The following A2M variants were observed in gnomAD, a reference collection of about 807,000 sequenced individuals.
A2M encodes alpha-2-macroglobulin, also known as C3 and PZP-like alpha-2-macroglobulin domain-containing protein 5.
Under a neutral mutation model 183.9 loss-of-function variants are expected in A2M, and 128 were observed. The observed-to-expected ratio is 0.70, with a 90% CI of 0.60 to 0.81. A2M has a LOEUF of 0.81. A2M is among the 30% of genes least tolerant of loss of function. The pLI is 0.00. For synonymous variants in A2M, 592 were observed against 670.8 expected (o/e 0.88, Z 1.81); for missense variants, 1,495 against 1,787.6 (o/e 0.84, Z 2.95).
chr12:9,067,863 A>T, intron 35 of A2M, 24 bp from the exon 36 acceptor site: 1 of 1,608,868 alleles, frequency 6.2e-7, no homozygotes, highest in Non-Finnish European at 8.5e-7. Context: ...AAGAAAAAAA[A>T]TTAAGACAGA....
chr12:9,113,587 G>C lies in A2M; in HGVS notation c.87-44C>G, dbSNP rs372331511. The C allele has an allele frequency of 1.2e-4, 184 of 1,573,590 alleles. 2 individuals are homozygous for C. In the African/African-American group the frequency reaches 2.4e-3, roughly 21 times the overall value. The stretch of plus-strand genomic sequence containing the variant: ...AGTTAGAGGAAAGTGAAGGAAGAGA[G>C]GCATTGCTATCAACAGCACTTTTTT... On this transcript the variant is annotated intron_variant, in intron 1 of 35. Transcript: ENST00000318602.
chr12:9,076,729 G>A (rs772060834), intron 28 of A2M, 27 bp downstream of exon 28: 9 of 1,613,144 alleles, frequency 5.6e-6, no homozygotes, highest in Non-Finnish European at 7.6e-6. Context: ...GGATGGGCCA[G>A]GAGAAGGATC....
At chr12:9,109,811 C>G (rs1364241121) in intron 6 of A2M, 56 bp downstream of exon 6, 1 of 1,501,798 alleles carries the variant, frequency 6.7e-7, no homozygotes, top group Non-Finnish European at 9.0e-7. Flanking sequence ...AATTCCAGGA[C>G]CTAAGAGTTT....
chr12:9,102,643 T>G (rs7980046), intron 11 of A2M, among the ~76,000 whole-genome samples: 1,542 of 152,314 alleles, frequency 0.01, 25 homozygotes, highest in African/African-American at 0.035. Flanking sequence ...TTCCTCTACC[T>G]TCATCCCCAG....
intron 32 of A2M, 35 bp from the exon 33 acceptor site, chr12:9,069,848 A>G (rs773200859): frequency 6.3e-7 from 1 of 1,597,652 alleles, no homozygotes; most frequent in Non-Finnish European, 8.6e-7. Flanking sequence ...ATGTTAATAA[A>G]TAGATGAAAC....
At chr12:9,100,150 C>T (rs975550108) in intron 13 of A2M, among the ~76,000 whole-genome samples, 12 of 152,066 alleles carry the variant, frequency 7.9e-5, no homozygotes, top group Non-Finnish European at 1.3e-4. Flanking sequence ...GGCAAGAGTC[C>T]GCTTCAGTCG....
chr12:9,077,334 G>A lies in A2M; in HGVS notation c.3351+12C>T, dbSNP rs760275903. 8.1e-6 allele frequency: 13 copies of A among 1,609,472 alleles called. No homozygotes were observed. Among genetic ancestry groups the A allele is most frequent in the East Asian group, 2.2e-5 (1 of 44,840 alleles). On this transcript the variant is annotated intron_variant, in intron 27 of 35. Coordinates refer to ENST00000318602, the MANE Select transcript of A2M (RefSeq NM_000014.6). ...GAACTCTCCTTCAGCAGAGGAATGG[G>A]GTGGTACCTACAGTGACTGTGAGAG...
intron 22 of A2M, among the ~76,000 whole-genome samples, chr12:9,085,173 A>G (rs1349104217): frequency 6.6e-6 from 1 of 152,148 alleles, no homozygotes; most frequent in Non-Finnish European, 1.5e-5. Context: ...ACTTTAGATC[A>G]AATAGACCTA....
chr12:9,109,965 A>G lies in A2M; in HGVS notation c.575T>C (p.Phe192Ser). ...CTGGAAGGGCTCTGATGAGAGGGGA[A>G]AAGAAAATTGCTTGAGGCCACCCTC... ...QLEGGLKQFSFPLSSEPFQGS... is the reference protein window; with the variant it reads ...QLEGGLKQFSSPLSSEPFQGS... The change falls in exon 6 of 36, where the codon TTT becomes TCT. Residue 192 changes from phenylalanine to serine, a missense_variant. Physicochemically the swap from Phe to Ser is radical, Grantham distance 155. Transcript: ENST00000318602. 3 of 1,613,946 alleles carry G rather than the reference A, an allele frequency of 1.9e-6. 1 individual carries two copies. Among genetic ancestry groups the G allele is most frequent in the Non-Finnish European group, 2.5e-6 (3 of 1,179,870 alleles).
At chr12:9,083,668 C>A in intron 22 of A2M, among the ~76,000 whole-genome samples, 1 of 150,712 alleles carries the variant, frequency 6.6e-6, no homozygotes, top group Non-Finnish European at 1.5e-5. Flanking sequence ...GAAATCAAAC[C>A]TTTGCATTAA....
intron 17 of A2M, among the ~76,000 whole-genome samples, chr12:9,093,891 TCAAACAAA>T (rs3832851): frequency 1.0e-3 from 152 of 151,020 alleles, no homozygotes; most frequent in African/African-American, 3.3e-3. Flanking sequence ...AGACTTCGTC[TCAAACAAA>T]CAAACAAACA....
intron 1 of A2M, among the ~76,000 whole-genome samples, chr12:9,114,865 A>G (rs1939006274): frequency 2.0e-5 from 3 of 152,188 alleles, no homozygotes; most frequent in Admixed American, 2.0e-4. Flanking sequence ...ATACTTGTAT[A>G]TAACTGATCA....
At chr12:9,095,961 T>G (rs1049066491) in intron 15 of A2M, among the ~76,000 whole-genome samples, 1 of 150,910 alleles carries the variant, frequency 6.6e-6, no homozygotes, top group African/African-American at 2.4e-5. Context: ...GGGTTTCACC[T>G]TGTTAGCCAG....
intron 8 of A2M, among the ~76,000 whole-genome samples, chr12:9,107,101 C>A (rs899343730): frequency 6.6e-6 from 1 of 152,150 alleles, no homozygotes; most frequent in African/African-American, 2.4e-5. Flanking sequence ...CTGGTTCCTC[C>A]TCCATAATAT....
intron 22 of A2M, among the ~76,000 whole-genome samples, chr12:9,084,506 C>A (rs10842839): frequency 6.6e-6 from 1 of 151,760 alleles, no homozygotes; most frequent in South Asian, 2.1e-4. Context: ...ACTGTAAACC[C>A]CATAGTAACA....
At chr12:9,074,130 T>C (rs1476571855) in intron 29 of A2M, among the ~76,000 whole-genome samples, 4 of 145,490 alleles carry the variant, frequency 2.7e-5, no homozygotes, top group Non-Finnish European at 6.0e-5. Context: ...AAGCACAAAA[T>C]GTGTAGTTTT....
chr12:9,108,600 G>C (rs778296678), intron 7 of A2M, among the ~76,000 whole-genome samples: 93 of 152,302 alleles, frequency 6.1e-4, no homozygotes, highest in Middle Eastern at 3.4e-3. Context: ...GACAGAACTG[G>C]AGCAGGGGCC....
chr12:9,095,439 C>T, intron 16 of A2M, 100 bp downstream of exon 16: 2 of 1,171,932 alleles, frequency 1.7e-6, no homozygotes, highest in Non-Finnish European at 1.2e-6. Context: ...TATCCCATTA[C>T]CCTCAACTAG....
At chr12:9,097,923 G>T (rs895879839) in intron 15 of A2M, among the ~76,000 whole-genome samples, 1 of 152,124 alleles carries the variant, frequency 6.6e-6, no homozygotes, top group African/African-American at 2.4e-5. Flanking sequence ...GAGCCACCAG[G>T]CCCAGCCATA....
Sources: gnomAD v4.1 joint callset for allele counts (sites outside exome capture counted in the v4.1 genomes callset) on GRCh38, gnomAD v4.1.1 for gene constraint, MANE v1.5 for transcripts, NCBI Gene and HGNC (gene_info 2026-07-23, HGNC 2026-07-21) for gene names.